DEPDC1B: variants seen among roughly 807,000 people sequenced by gnomAD.
The protein encoded by DEPDC1B is DEP domain-containing protein 1B.
Under a neutral mutation model 66.5 loss-of-function variants are expected in DEPDC1B, and 51 were observed. The ratio of observed to expected loss-of-function variants is 0.77; its 90% CI spans 0.61 to 0.97. DEPDC1B has a LOEUF of 0.97. DEPDC1B is among the 50% of genes least tolerant of loss of function. DEPDC1B has a pLI of 0.00. For synonymous variants in DEPDC1B, 226 were observed against 223.6 expected, an observed-to-expected ratio of 1.01 and a Z score of -0.10; for missense variants, 552 against 637.1, an observed-to-expected ratio of 0.87 and a Z score of 1.44.
intron 7 of DEPDC1B, among the ~76,000 whole-genome samples, chr5:60,619,822 G>C (rs942594138): frequency 6.6e-6 from 1 of 152,082 alleles, no homozygotes; most frequent in Non-Finnish European, 1.5e-5. Context: ...ACAAGAGCCC[G>C]CATTACCAAA....
chr5:60,618,385 T>A (rs1441297671), intron 7 of DEPDC1B, among the ~76,000 whole-genome samples: 3 of 151,964 alleles, frequency 2.0e-5, no homozygotes, highest in East Asian at 3.9e-4. Context: ...ATTGATAGAC[T>A]GCTAGCAAGA....
intron 2 of DEPDC1B, among the ~76,000 whole-genome samples, chr5:60,661,260 T>C (rs1192467160): frequency 6.6e-6 from 1 of 152,164 alleles, no homozygotes; most frequent in Non-Finnish European, 1.5e-5. Flanking sequence ...CTGGAACCCT[T>C]TCTTTGTGGT....
At chr5:60,636,864 C>T (rs747767282) in intron 7 of DEPDC1B, among the ~76,000 whole-genome samples, 25 of 152,114 alleles carry the variant, frequency 1.6e-4, no homozygotes, top group Non-Finnish European at 2.5e-4. Flanking sequence ...TCCTTTTCCA[C>T]CCTGAAGCCA....
intron 1 of DEPDC1B, chr5:60,687,750 T>A (rs527506760): frequency 5.3e-6 from 1 of 188,242 alleles, no homozygotes; most frequent in African/African-American, 2.4e-5. Flanking sequence ...GGTCTCGAAC[T>A]CTTGATCTCA....
chr5:60,607,382 A>G (rs1309131546), intron 7 of DEPDC1B, among the ~76,000 whole-genome samples: 1 of 152,200 alleles, frequency 6.6e-6, no homozygotes, highest in African/African-American at 2.4e-5. Context: ...ACTATCATCT[A>G]TGTAGACCTG....
At chr5:60,638,972 T>C in intron 6 of DEPDC1B, 82 bp from the exon 7 acceptor site, 1 of 1,459,580 alleles carries the variant, frequency 6.9e-7, no homozygotes, top group Non-Finnish European at 9.2e-7. Context: ...ATGTGTGGCG[T>C]GTACAGATAT....
chr5:60,619,870 C>T (rs1427954494), intron 7 of DEPDC1B, among the ~76,000 whole-genome samples: 17 of 152,152 alleles, frequency 1.1e-4, no homozygotes, highest in Non-Finnish European at 1.3e-4. Flanking sequence ...GGAGGCATCA[C>T]GGTACCTGAC....
At position 60,599,240 on chromosome 5, in the gene DEPDC1B, A is replaced by G. The variant is rs1752155570; in HGVS notation, c.1263T>C (p.Asp421=). 1 of 1,604,452 alleles carries G rather than the reference A, an allele frequency of 6.2e-7. No homozygotes were observed. Among genetic ancestry groups the G allele is most frequent in the Middle Eastern group, 1.7e-4 (1 of 6,018 alleles). ...RRVQIKYPGA[D]MDITLSAPSF... is the part of the protein sequence containing the mutation. ...ATGGAGCAGATAAAGTGATATCCAT[A>G]TCAGCTCCTGGGTATTTTATCTGAG... Residue 421 remains aspartate, a synonymous_variant, in exon 10 of 11, where the codon GAT becomes GAC. Transcript: ENST00000265036.
At chr5:60,618,263 C>G (rs922061917) in intron 7 of DEPDC1B, among the ~76,000 whole-genome samples, 1 of 152,124 alleles carries the variant, frequency 6.6e-6, no homozygotes, top group East Asian at 1.9e-4. Flanking sequence ...CAAAAGCCAA[C>G]AGAAGGCAAG....
chr5:60,629,316 G>A (rs960365308), intron 7 of DEPDC1B, among the ~76,000 whole-genome samples: 5 of 152,148 alleles, frequency 3.3e-5, no homozygotes, highest in South Asian at 2.1e-4. Flanking sequence ...AGGATTTCAC[G>A]TATCTCTTCA....
At position 60,651,540 on chromosome 5, in the gene DEPDC1B, C is replaced by CA. The variant is rs774242933; in HGVS notation, c.315-4008dup. Among the ~76,000 whole-genome samples, 454 of 144,176 alleles carry CA rather than the reference C, an allele frequency of 3.1e-3. 4 individuals carry two copies. The highest frequency in any genetic ancestry group is 4.8e-3 in the African/African-American group (185 of 38,770). 94.6% of individuals were successfully genotyped at this position (144,176 alleles called of 152,430 possible). On this transcript the variant is annotated intron_variant, in intron 2 of 10. Transcript: ENST00000265036. ...AGAGAGACTCCACCTAAAAAAAAAACAAAAAAAACAAAAAAAAAACTAAAA... is the reference window on the plus strand; with the variant it reads ...AGAGAGACTCCACCTAAAAAAAAAACAAAAAAAAACAAAAAAAAAACTAAAA...
chr5:60,668,674 G>T (rs1485723999), intron 2 of DEPDC1B, among the ~76,000 whole-genome samples: 1 of 152,110 alleles, frequency 6.6e-6, no homozygotes, highest in African/African-American at 2.4e-5. Context: ...GTGGAATTAG[G>T]AACGGTGAAT....
chr5:60,667,498 A>G (rs1352717633), intron 2 of DEPDC1B, among the ~76,000 whole-genome samples: 2 of 146,792 alleles, frequency 1.4e-5, no homozygotes, highest in African/African-American at 4.9e-5. Flanking sequence ...CAAAAAATGG[A>G]TATTTTACAT....
At chr5:60,636,712 A>C (rs1374262000) in intron 7 of DEPDC1B, among the ~76,000 whole-genome samples, 1 of 152,146 alleles carries the variant, frequency 6.6e-6, no homozygotes, top group Non-Finnish European at 1.5e-5. Context: ...AAAGGATCTA[A>C]GAAAATAGTT....
At chr5:60,603,717 C>T (rs1044925252) in intron 8 of DEPDC1B, 150 bp from the exon 9 acceptor site, 37 of 719,218 alleles carry the variant, frequency 5.1e-5, no homozygotes, top group Admixed American at 1.1e-4. Flanking sequence ...GATGGGTTGA[C>T]GGTCTCAACA....
intron 1 of DEPDC1B, among the ~76,000 whole-genome samples, chr5:60,698,515 G>A (rs920795173): frequency 2.0e-5 from 3 of 152,142 alleles, no homozygotes; most frequent in Non-Finnish European, 4.4e-5. Flanking sequence ...TCCAGTAATA[G>A]CCAAGTCACA....
chr5:60,597,355 A>C lies in DEPDC1B; in HGVS notation c.*398T>G, dbSNP rs2111688994. The C allele has an allele frequency of 6.0e-6, 1 of 165,446 alleles. No homozygotes were observed. Among genetic ancestry groups the C allele is most frequent in the East Asian group, 1.9e-4 (1 of 5,320 alleles). The allele number at this position is 165,446 out of a possible 1,614,324, so 10.2% of individuals were successfully genotyped here. ...TACCCAGTGTCTTTCTTATTCAAGT[A>C]TACACGCTATTTTTAAGACTTAAAA... On this transcript the variant is annotated 3_prime_UTR_variant, in exon 11 of 11. Transcript: ENST00000265036.
chr5:60,687,004 T>C lies in DEPDC1B; in HGVS notation c.272A>G (p.Lys91Arg), dbSNP rs760631424. ...GTCTTCAAAATCTTCCTCACCCCAT[T>C]TTCCCTTGATGTCTTCAATAACGTG... Reference protein sequence around the residue: ...KNHVIEDIKGKWGEEDFEDNR... With the variant: ...KNHVIEDIKGRWGEEDFEDNR... The change falls in exon 2 of 11, where the codon AAA becomes AGA. Residue 91 changes from lysine to arginine, a missense_variant. Physicochemically the swap from Lys to Arg is conservative, Grantham distance 26. Transcript: ENST00000265036. 1.4e-5 allele frequency: 22 copies of C among 1,614,132 alleles called. No homozygotes were observed. The Admixed American group carries it at 3.3e-4, about 24-fold the overall frequency.
At chr5:60,615,493 G>T (rs1752526138) in intron 7 of DEPDC1B, among the ~76,000 whole-genome samples, 1 of 152,220 alleles carries the variant, frequency 6.6e-6, no homozygotes, top group African/African-American at 2.4e-5. Flanking sequence ...CACACCAGGA[G>T]ATTATATCCC....
Sources: gnomAD v4.1 joint callset for allele counts (sites outside exome capture counted in the v4.1 genomes callset) on GRCh38, gnomAD v4.1.1 for gene constraint, MANE v1.5 for transcripts, NCBI Gene and HGNC (gene_info 2026-07-23, HGNC 2026-07-21) for gene names.